The following GRIK2 variants were observed in gnomAD, a reference collection of about 807,000 sequenced individuals.
GRIK2 encodes glutamate receptor ionotropic, kainate 2.
In GRIK2, 32 loss-of-function variants were observed where a neutral mutation model predicts 100.3. The observed-to-expected ratio is 0.32, with a 90% CI of 0.24 to 0.43. The LOEUF (loss-of-function observed/expected upper bound fraction) is 0.43. Ranked by LOEUF, GRIK2 falls within the 20% of genes least tolerant of loss-of-function variation. The pLI, the probability that GRIK2 is intolerant of heterozygous loss-of-function variation, is 1.00. For missense variants in GRIK2, 843 were observed against 1,114.9 expected (o/e 0.76, Z 3.47); for synonymous variants, 417 against 389.4 (o/e 1.07, Z -0.83).
intron 2 of GRIK2, among the ~76,000 whole-genome samples, chr6:101,440,041 G>A (rs1220490896): frequency 6.6e-6 from 1 of 152,012 alleles, no homozygotes; most frequent in Non-Finnish European, 1.5e-5. Context: ...AATTGTTATG[G>A]AATTTTTTAA....
intron 2 of GRIK2, among the ~76,000 whole-genome samples, chr6:101,538,502 G>A (rs936388791): frequency 6.6e-6 from 1 of 151,464 alleles, no homozygotes; most frequent in Non-Finnish European, 1.5e-5. Context: ...CTTATACATA[G>A]TAGGTTAAAC....
At chr6:101,877,155 ATATGTT>A (rs762695257) in intron 11 of GRIK2, among the ~76,000 whole-genome samples, 12 of 151,976 alleles carry the variant, frequency 7.9e-5, no homozygotes, top group South Asian at 4.1e-4. Flanking sequence ...ACACATATAT[ATATGTT>A]TATGTTTATG....
At chr6:101,610,301 T>G (rs1779616005) in intron 2 of GRIK2, among the ~76,000 whole-genome samples, 1 of 151,686 alleles carries the variant, frequency 6.6e-6, no homozygotes, top group South Asian at 2.1e-4. Context: ...GCTTTATGAA[T>G]AATACTATTA....
intron 12 of GRIK2, among the ~76,000 whole-genome samples, chr6:101,915,768 A>G (rs1789061540): frequency 6.6e-6 from 1 of 151,490 alleles, no homozygotes; most frequent in African/African-American, 2.4e-5. Flanking sequence ...GACACATACA[A>G]TGTTTTAAGC....
intron 14 of GRIK2, among the ~76,000 whole-genome samples, chr6:102,024,200 A>T (rs578117195): frequency 6.8e-4 from 103 of 150,812 alleles, no homozygotes; most frequent in Admixed American, 1.1e-3. Flanking sequence ...TGTGTGAAGG[A>T]CTCTGAGTGA....
At chr6:101,735,868 G>A (rs1265893164) in intron 7 of GRIK2, among the ~76,000 whole-genome samples, 1 of 152,186 alleles carries the variant, frequency 6.6e-6, no homozygotes, top group Non-Finnish European at 1.5e-5. Flanking sequence ...ACAATCGAAA[G>A]TCTCATCTGA....
At chr6:101,678,718 G>A (rs1771021168) in intron 5 of GRIK2, among the ~76,000 whole-genome samples, 2 of 152,310 alleles carry the variant, frequency 1.3e-5, no homozygotes, top group South Asian at 4.1e-4. Flanking sequence ...CATGGTATAG[G>A]AGTTGAAGAG....
intron 2 of GRIK2, among the ~76,000 whole-genome samples, chr6:101,606,427 T>C (rs797003968): frequency 1.3e-4 from 20 of 152,126 alleles, no homozygotes; most frequent in African/African-American, 4.6e-4. Context: ...TCATTGAGTA[T>C]CTTTCATGTG....
chr6:101,398,558 A>G (rs1033567194), intron 1 of GRIK2, among the ~76,000 whole-genome samples: 1 of 152,222 alleles, frequency 6.6e-6, no homozygotes, highest in Non-Finnish European at 1.5e-5. Context: ...TCTTTTTTAC[A>G]GTTCCCAGAC....
At chr6:101,935,516 A>G (rs1419611488) in intron 14 of GRIK2, among the ~76,000 whole-genome samples, 1 of 151,864 alleles carries the variant, frequency 6.6e-6, no homozygotes, top group Non-Finnish European at 1.5e-5. Flanking sequence ...TCCATATTTG[A>G]GACTTGGGAG....
At chr6:102,028,399 C>T (rs188024040) in intron 14 of GRIK2, among the ~76,000 whole-genome samples, 6 of 151,340 alleles carry the variant, frequency 4.0e-5, no homozygotes, top group Admixed American at 4.0e-4. Context: ...AACAAATCGG[C>T]TTACAAGCCT....
At chr6:101,528,200 G>A (rs1311803631) in intron 2 of GRIK2, among the ~76,000 whole-genome samples, 1 of 152,098 alleles carries the variant, frequency 6.6e-6, no homozygotes, top group Admixed American at 6.6e-5. Context: ...GTAAATATTA[G>A]CTATTATCAT....
intron 4 of GRIK2, among the ~76,000 whole-genome samples, chr6:101,668,854 G>A (rs1358738548): frequency 2.0e-5 from 3 of 152,188 alleles, no homozygotes; most frequent in East Asian, 1.9e-4. Flanking sequence ...GCCAGCTGCA[G>A]TGTGCATAAA....
intron 9 of GRIK2, among the ~76,000 whole-genome samples, chr6:101,817,494 G>A (rs1781703257): frequency 6.6e-6 from 1 of 152,146 alleles, no homozygotes; most frequent in African/African-American, 2.4e-5. Flanking sequence ...TGAGGAAAAA[G>A]AACTGATTTC....
intron 2 of GRIK2, among the ~76,000 whole-genome samples, chr6:101,568,175 A>G (rs903266172): frequency 2.0e-5 from 3 of 151,958 alleles, no homozygotes; most frequent in African/African-American, 7.2e-5. Context: ...TTTCTTTTCA[A>G]AACTATTTCA....
intron 14 of GRIK2, among the ~76,000 whole-genome samples, chr6:101,984,896 A>G (rs989145393): frequency 1.3e-5 from 2 of 151,736 alleles, no homozygotes; most frequent in Non-Finnish European, 3.0e-5. Context: ...ATAGTAATAC[A>G]TAGATAGCCA....
At position 101,717,137 on chromosome 6, in the gene GRIK2, T is replaced by A. The variant is rs567598402; in HGVS notation, c.951+30784T>A. 2.6e-5 allele frequency among the ~76,000 whole-genome samples: 4 copies of A among 151,932 alleles called. No individual in the cohort carries two copies. The South Asian group carries it at 8.3e-4, about 31-fold the overall frequency. On this transcript the variant is annotated intron_variant, in intron 7 of 16. Coordinates refer to ENST00000369134, the MANE Select transcript of GRIK2 (RefSeq NM_021956.5). ...AAGAAGAATGGAAAGTGTTTGGATT[T>A]GTTCTGGGGGTGTTTCTGGTTTAGC... is the stretch of plus-strand genomic sequence containing the variant.
intron 2 of GRIK2, among the ~76,000 whole-genome samples, chr6:101,540,749 C>T (rs575065925): frequency 1.8e-4 from 27 of 151,874 alleles, no homozygotes; most frequent in Non-Finnish European, 3.2e-4. Flanking sequence ...CCTGAAAGTT[C>T]TTTCTAATTT....
chr6:101,959,904 C>A (rs143905892), intron 14 of GRIK2, among the ~76,000 whole-genome samples: 1 of 152,172 alleles, frequency 6.6e-6, no homozygotes, highest in Non-Finnish European at 1.5e-5. Flanking sequence ...ATACCTAATT[C>A]CCTGGCCAGA....
Sources: allele counts gnomAD v4.1 joint callset (sites outside exome capture counted in the v4.1 genomes callset), GRCh38; gene constraint gnomAD v4.1.1; transcripts MANE v1.5; gene names NCBI Gene and HGNC (gene_info 2026-07-23, HGNC 2026-07-21).